SYT9: variants seen among roughly 807,000 people sequenced by gnomAD.
SYT9 encodes synaptotagmin-9.
SYT9 carries 22 observed loss-of-function variants against 48.4 expected under a neutral mutation model. The observed-to-expected ratio is 0.45, with a 90% confidence interval of 0.32 to 0.65. SYT9 has a LOEUF of 0.65. Among genes scored for constraint, SYT9 ranks in the 30% least tolerant of loss-of-function variants. The pLI, the probability that SYT9 is intolerant of heterozygous loss-of-function variation, is 0.03. For missense variants in SYT9, 577 were observed against 622.0 expected, an observed-to-expected ratio of 0.93 and a Z score of 0.77; for synonymous variants, 265 against 245.0, an observed-to-expected ratio of 1.08 and a Z score of -0.76.
At chr11:7,268,892 C>G (rs553607977) in intron 1 of SYT9, among the ~76,000 whole-genome samples, 5 of 152,152 alleles carry the variant, frequency 3.3e-5, no homozygotes, top group South Asian at 4.1e-4. Flanking sequence ...CTCTGTTAAT[C>G]CCTGCCTCAG....
At chr11:7,299,840 G>A (rs965848932) in intron 1 of SYT9, among the ~76,000 whole-genome samples, 8 of 152,122 alleles carry the variant, frequency 5.3e-5, no homozygotes, top group Non-Finnish European at 4.4e-5. Context: ...TCTTAAACTG[G>A]GTCAGGGGTC....
chr11:7,293,864 A>G (rs556884120), intron 1 of SYT9, among the ~76,000 whole-genome samples: 1 of 152,294 alleles, frequency 6.6e-6, no homozygotes, highest in East Asian at 1.9e-4. Context: ...CTCCTGCTGA[A>G]GTCTTTTGGC....
At chr11:7,408,265 A>G (rs955066681) in intron 3 of SYT9, among the ~76,000 whole-genome samples, 2 of 152,120 alleles carry the variant, frequency 1.3e-5, no homozygotes, top group African/African-American at 4.8e-5. Flanking sequence ...AGTAGCTGGG[A>G]TTACAAGCAT....
intron 3 of SYT9, among the ~76,000 whole-genome samples, chr11:7,391,000 C>T (rs924768933): frequency 6.6e-6 from 1 of 151,976 alleles, no homozygotes; most frequent in Non-Finnish European, 1.5e-5. Context: ...GTTTGGAGTC[C>T]GTAGTATCTC....
At chr11:7,260,706 G>A (rs1220137459) in intron 1 of SYT9, among the ~76,000 whole-genome samples, 1 of 152,102 alleles carries the variant, frequency 6.6e-6, no homozygotes, top group Non-Finnish European at 1.5e-5. Context: ...TCTGTCCAAG[G>A]TAAGGTCCTA....
At chr11:7,265,242 A>G (rs1465140659) in intron 1 of SYT9, among the ~76,000 whole-genome samples, 2 of 152,182 alleles carry the variant, frequency 1.3e-5, no homozygotes, top group African/African-American at 2.4e-5. Flanking sequence ...TTTTAAACAC[A>G]TTAAGTTTGG....
At chr11:7,332,340 C>T (rs957116610) in intron 3 of SYT9, among the ~76,000 whole-genome samples, 1 of 152,184 alleles carries the variant, frequency 6.6e-6, no homozygotes, top group African/African-American at 2.4e-5. Context: ...CAAGATGGTT[C>T]CCATCAGCTG....
At position 7,468,266 on chromosome 11, in the gene SYT9, G is replaced by A. The variant is rs985120864; in HGVS notation, c.*1466G>A. 12 of 398,516 alleles carry A rather than the reference G, an allele frequency of 3.0e-5. No homozygotes were observed. Among genetic ancestry groups the A allele is most frequent in the East Asian group, 1.1e-4 (3 of 28,088 alleles). 24.7% of individuals were successfully genotyped at this position (398,516 alleles called of 1,614,324 possible). ...CTGGGCGGAGGAAGGATCGTTATAC[G>A]TCTTCAGAAAGTTCTCATTGCCCCA... On this transcript the variant is annotated 3_prime_UTR_variant, in exon 7 of 7. Transcript: ENST00000318881.
chr11:7,380,121 T>C (rs1004893387), intron 3 of SYT9, among the ~76,000 whole-genome samples: 3 of 152,132 alleles, frequency 2.0e-5, no homozygotes, highest in Non-Finnish European at 2.9e-5. Context: ...TAAAAAGGAA[T>C]GAGATCCTGT....
chr11:7,314,831 T>G (rs1226189456), intron 3 of SYT9, among the ~76,000 whole-genome samples: 2 of 152,232 alleles, frequency 1.3e-5, no homozygotes, highest in Non-Finnish European at 2.9e-5. Flanking sequence ...CGTAGCTCTC[T>G]TTCTCTGCCA....
chr11:7,375,492 T>C (rs528928472), intron 3 of SYT9, among the ~76,000 whole-genome samples: 1 of 152,344 alleles, frequency 6.6e-6, no homozygotes, highest in East Asian at 1.9e-4. Flanking sequence ...ATTGAATCTC[T>C]AAATTACTTT....
intron 3 of SYT9, among the ~76,000 whole-genome samples, chr11:7,338,971 A>G (rs924306767): frequency 1.3e-5 from 2 of 152,118 alleles, no homozygotes; most frequent in African/African-American, 4.8e-5. Context: ...ATTGTGTGAG[A>G]GTATAAGTAT....
chr11:7,294,033 A>G (rs1377690196), intron 1 of SYT9, among the ~76,000 whole-genome samples: 1 of 152,236 alleles, frequency 6.6e-6, no homozygotes, highest in Non-Finnish European at 1.5e-5. Context: ...TATTTCTCAC[A>G]GTTCTGGAGA....
intron 3 of SYT9, among the ~76,000 whole-genome samples, chr11:7,341,894 C>T (rs1056256884): frequency 2.0e-5 from 3 of 152,076 alleles, no homozygotes; most frequent in Non-Finnish European, 2.9e-5. Context: ...CATAGTTCCA[C>T]GTGGTTGGCA....
At chr11:7,384,894 A>G (rs1024418315) in intron 3 of SYT9, among the ~76,000 whole-genome samples, 2 of 152,030 alleles carry the variant, frequency 1.3e-5, no homozygotes, top group African/African-American at 2.4e-5. Flanking sequence ...CTCTCACCTC[A>G]GGGCATCTGT....
intron 2 of SYT9, among the ~76,000 whole-genome samples, chr11:7,309,175 C>A (rs1849085558): frequency 6.6e-6 from 1 of 152,136 alleles, no homozygotes; most frequent in Non-Finnish European, 1.5e-5. Flanking sequence ...TTGTTTCTTC[C>A]ATGAGAGGAA....
chr11:7,330,330 A>T (rs1187784090), intron 3 of SYT9, among the ~76,000 whole-genome samples: 1 of 152,184 alleles, frequency 6.6e-6, no homozygotes, highest in Non-Finnish European at 1.5e-5. Flanking sequence ...TTTTCCTTAT[A>T]TGAAAGAGGC....
At chr11:7,324,282 AGATT>A (rs1422134179) in intron 3 of SYT9, among the ~76,000 whole-genome samples, 2 of 151,878 alleles carry the variant, frequency 1.3e-5, no homozygotes, top group African/African-American at 4.8e-5. Context: ...TTTCTAATAT[AGATT>A]ATTTATCCCT....
At chr11:7,443,642 CCCA>C (rs1847873100) in intron 6 of SYT9, among the ~76,000 whole-genome samples, 1 of 152,234 alleles carries the variant, frequency 6.6e-6, no homozygotes, top group South Asian at 2.1e-4. Flanking sequence ...CTCTCTTCTA[CCCA>C]CCACCTCATC....
Sources: allele counts gnomAD v4.1 joint callset (sites outside exome capture counted in the v4.1 genomes callset), GRCh38; gene constraint gnomAD v4.1.1; transcripts MANE v1.5; gene names NCBI Gene and HGNC (gene_info 2026-07-23, HGNC 2026-07-21).